TTLL11: variants seen among roughly 807,000 people sequenced by gnomAD.
TTLL11 encodes tubulin tyrosine ligase like 11.
A neutral mutation model predicts 51.7 loss-of-function variants in TTLL11; 42 were observed. The observed-to-expected ratio is 0.81, with a 90% CI of 0.64 to 1.05. The LOEUF (loss-of-function observed/expected upper bound fraction) is 1.05, where lower values mean the gene tolerates loss of function less well. TTLL11 is among the 50% of genes least tolerant of loss of function. The pLI, the probability that TTLL11 is intolerant of heterozygous loss-of-function variation, is 0.00. For missense variants in TTLL11, 799 were observed against 940.4 expected (o/e 0.85, Z 1.97); for synonymous variants, 381 against 383.5 (o/e 0.99, Z 0.08).
chr9:121,921,261 CA>C (rs1309454824), intron 6 of TTLL11, among the ~76,000 whole-genome samples: 1 of 152,194 alleles, frequency 6.6e-6, no homozygotes. Context: ...ACTCGACAAA[CA>C]TGAGTTTCAT....
intron 6 of TTLL11, among the ~76,000 whole-genome samples, chr9:121,938,630 G>T (rs919620864): frequency 6.6e-6 from 1 of 151,988 alleles, no homozygotes; most frequent in Non-Finnish European, 1.5e-5. Context: ...TAAGAAAACA[G>T]AAATGGCAAA....
intron 8 of TTLL11, among the ~76,000 whole-genome samples, chr9:121,844,193 G>A (rs377356042): frequency 1.3e-5 from 2 of 152,018 alleles, no homozygotes; most frequent in African/African-American, 4.8e-5. Context: ...CACATCAGCA[G>A]GGTTCACTCC....
chr9:121,895,942 TTGTGTGGGTGTGGG>T lies in TTLL11; in HGVS notation c.1482-25208_1482-25195del, dbSNP rs1275514871. On this transcript the variant is annotated intron_variant, in intron 6 of 8. Coordinates refer to ENST00000321582, the MANE Select transcript of TTLL11 (RefSeq NM_001139442.2). ...TGTGGGTGTGTCTGTGTGGGTGTGT[TTGTGTGGGTGTGGG>T]TGTGTGGGTGTGGGTGTGTGTCTGT... Among the ~76,000 whole-genome samples, 261 of 13,906 alleles carry T rather than the reference TTGTGTGGGTGTGGG, an allele frequency of 0.019. 4 individuals are homozygous for T. In the East Asian group the frequency reaches 0.27, roughly 15 times the overall value. 9.1% of individuals were successfully genotyped at this position (13,906 alleles called of 152,430 possible).
chr9:122,003,074 A>G (rs555645011), intron 3 of TTLL11, among the ~76,000 whole-genome samples: 4 of 152,286 alleles, frequency 2.6e-5, no homozygotes, highest in Admixed American at 1.3e-4. Flanking sequence ...GCTATGCCAC[A>G]GTCTCAACAG....
At chr9:122,069,320 CA>C in intron 1 of TTLL11, among the ~76,000 whole-genome samples, 1 of 152,270 alleles carries the variant, frequency 6.6e-6, no homozygotes, top group Non-Finnish European at 1.5e-5. Context: ...CATTTCAAAG[CA>C]AAGCGTGCGT....
intron 8 of TTLL11, among the ~76,000 whole-genome samples, chr9:121,835,242 A>G (rs906500388): frequency 6.6e-6 from 1 of 152,200 alleles, no homozygotes; most frequent in Non-Finnish European, 1.5e-5. Flanking sequence ...ACTCGGCATT[A>G]CCATGTCCTA....
intron 3 of TTLL11, among the ~76,000 whole-genome samples, chr9:122,005,365 G>C (rs572200237): frequency 6.6e-6 from 1 of 152,084 alleles, no homozygotes; most frequent in Non-Finnish European, 1.5e-5. Context: ...TTCCCTCTCT[G>C]GGTCTCAGTT....
chr9:121,940,146 G>T (rs1841391719), intron 6 of TTLL11, among the ~76,000 whole-genome samples: 1 of 152,094 alleles, frequency 6.6e-6, no homozygotes, highest in African/African-American at 2.4e-5. Context: ...GTCTCTCAAG[G>T]CTCAGCTTAC....
At chr9:121,841,093 C>T (rs4521829) in intron 8 of TTLL11, among the ~76,000 whole-genome samples, 9,023 of 152,094 alleles carry the variant, frequency 0.059, 736 homozygotes, top group African/African-American at 0.19. Context: ...CACAGACAAC[C>T]GTCTCACCCA....
intron 6 of TTLL11, among the ~76,000 whole-genome samples, chr9:121,913,819 C>G (rs890265403): frequency 6.6e-6 from 1 of 152,174 alleles, no homozygotes; most frequent in African/African-American, 2.4e-5. Context: ...CTGCCTCATG[C>G]TCTTTCATGG....
intron 8 of TTLL11, among the ~76,000 whole-genome samples, chr9:121,855,079 G>T (rs956991340): frequency 1.3e-5 from 2 of 152,212 alleles, no homozygotes; most frequent in African/African-American, 2.4e-5. Context: ...CAGACGGGGG[G>T]TTCCTTAGGT....
chr9:121,906,498 A>G (rs1183889782), intron 6 of TTLL11, among the ~76,000 whole-genome samples: 1 of 152,068 alleles, frequency 6.6e-6, no homozygotes, highest in African/African-American at 2.4e-5. Context: ...CAAGTCTCCC[A>G]TTAGGATGGG....
In TTLL11 at chr9:121,873,831, C is replaced by CTTTTT. The variant is rs71508142; in HGVS notation, c.1482-3088_1482-3084dup. On this transcript the variant is annotated intron_variant, in intron 6 of 8. Transcript: ENST00000321582. The stretch of plus-strand genomic sequence containing the variant: ...CAGGTGTGCACCACCATTAGCCTGA[C>CTTTTT]TTTTTTTTTTTTTTTTTTTTTTTGA... Among the ~76,000 whole-genome samples the CTTTTT allele has an allele frequency of 2.8e-3, 214 of 77,388 alleles. 16 individuals carry two copies. The highest frequency in any genetic ancestry group is 5.0e-3 in the African/African-American group (85 of 16,974). 50.8% of individuals were successfully genotyped at this position (77,388 alleles called of 152,430 possible). A position where few individuals can be genotyped will look rare whatever the true frequency, so the allele number is the denominator to read the frequency against.
chr9:122,043,102 T>C (rs553073574), intron 1 of TTLL11, among the ~76,000 whole-genome samples: 26 of 152,302 alleles, frequency 1.7e-4, no homozygotes, highest in African/African-American at 5.5e-4. Context: ...GATGATGACA[T>C]GTCAGTGTAG....
chr9:121,907,688 G>A (rs1189187425), intron 6 of TTLL11, among the ~76,000 whole-genome samples: 1 of 152,068 alleles, frequency 6.6e-6, no homozygotes, highest in Admixed American at 6.5e-5. Context: ...ATTTCCATTT[G>A]GTAGCAACCT....
intron 8 of TTLL11, among the ~76,000 whole-genome samples, chr9:121,857,753 G>T (rs1454586322): frequency 6.6e-6 from 1 of 152,196 alleles, no homozygotes; most frequent in Non-Finnish European, 1.5e-5. Flanking sequence ...CCTCACCGGA[G>T]CTTGAATTGC....
At chr9:121,823,979 C>T (rs73539137) in intron 8 of TTLL11, among the ~76,000 whole-genome samples, 46 of 152,236 alleles carry the variant, frequency 3.0e-4, no homozygotes, top group African/African-American at 1.0e-3. Context: ...GCACCGGCTG[C>T]GACTTGCTCT....
At chr9:121,893,629 G>A (rs1839342973) in intron 6 of TTLL11, among the ~76,000 whole-genome samples, 1 of 152,112 alleles carries the variant, frequency 6.6e-6, no homozygotes, top group Non-Finnish European at 1.5e-5. Flanking sequence ...TAACAAGGAA[G>A]AACTGGGGAT....
intron 1 of TTLL11, among the ~76,000 whole-genome samples, chr9:122,073,789 T>C (rs1488137993): frequency 1.3e-5 from 2 of 152,168 alleles, no homozygotes; most frequent in African/African-American, 4.8e-5. Context: ...CCCAGAAGCC[T>C]CTCATTCACA....
Sources: allele counts gnomAD v4.1 joint callset (sites outside exome capture counted in the v4.1 genomes callset), GRCh38; gene constraint gnomAD v4.1.1; transcripts MANE v1.5; gene names NCBI Gene and HGNC (gene_info 2026-07-23, HGNC 2026-07-21).